Variants in PKNOX2 observed in about 807,000 individuals in gnomAD.
PKNOX2 encodes homeobox protein PKNOX2.
In PKNOX2, 14 loss-of-function variants were observed where a neutral mutation model predicts 53.1. The observed-to-expected ratio is 0.26, with a 90% CI of 0.17 to 0.41. The LOEUF (loss-of-function observed/expected upper bound fraction) is 0.41, where lower values mean the gene tolerates loss of function less well. Ranked by LOEUF, PKNOX2 falls within the 10% of genes least tolerant of loss-of-function variation. The pLI is 1.00. For missense variants in PKNOX2, 496 were observed against 602.8 expected (o/e 0.82, Z 1.85); for synonymous variants, 257 against 242.8 (o/e 1.06, Z -0.54).
intron 4 of PKNOX2, among the ~76,000 whole-genome samples, chr11:125,354,232 C>T (rs1285336423): frequency 7.9e-5 from 12 of 152,172 alleles, no homozygotes; most frequent in Admixed American, 7.9e-4. Context: ...ACCAGCCGCT[C>T]TCTGAGACTC....
intron 3 of PKNOX2, among the ~76,000 whole-genome samples, chr11:125,348,625 T>A (rs2008463): frequency 0.19 from 29,241 of 152,116 alleles, 2,878 homozygotes; most frequent in South Asian, 0.24. Context: ...ACTCTTAACC[T>A]CCCCTCCTTA....
chr11:125,297,885 C>T (rs1234858613), intron 2 of PKNOX2, among the ~76,000 whole-genome samples: 1 of 152,176 alleles, frequency 6.6e-6, no homozygotes, highest in African/African-American at 2.4e-5. Context: ...CATAGATTAG[C>T]TCATTGTCAC....
intron 3 of PKNOX2, among the ~76,000 whole-genome samples, chr11:125,338,036 A>G (rs1458799048): frequency 6.6e-6 from 1 of 152,182 alleles, no homozygotes; most frequent in African/African-American, 2.4e-5. Flanking sequence ...GAAAAGGCTG[A>G]GGCTGGGTTT....
At chr11:125,276,054 G>A (rs1038782109) in intron 2 of PKNOX2, among the ~76,000 whole-genome samples, 2 of 152,284 alleles carry the variant, frequency 1.3e-5, no homozygotes, top group East Asian at 1.9e-4. Context: ...CCAGAGGAGC[G>A]AAGTATCAGG....
At chr11:125,271,830 A>G (rs1410982391) in intron 2 of PKNOX2, among the ~76,000 whole-genome samples, 1 of 152,130 alleles carries the variant, frequency 6.6e-6, no homozygotes, top group Non-Finnish European at 1.5e-5. Context: ...GTACCCAGAA[A>G]TGATGTGACT....
intron 2 of PKNOX2, among the ~76,000 whole-genome samples, chr11:125,246,653 C>T (rs991276944): frequency 5.3e-5 from 8 of 152,178 alleles, no homozygotes; most frequent in Non-Finnish European, 8.8e-5. Context: ...GTTTCTCCAT[C>T]TATTAAAGAA....
At chr11:125,286,202 G>C (rs1279610841) in intron 2 of PKNOX2, among the ~76,000 whole-genome samples, 10 of 152,192 alleles carry the variant, frequency 6.6e-5, no homozygotes, top group Non-Finnish European at 1.5e-4. Flanking sequence ...TGTGGGGCCA[G>C]GGCATGGAGG....
chr11:125,380,121 T>TCCGCGCTCCTGGGGAAGGCGC (rs1953121909), intron 5 of PKNOX2, among the ~76,000 whole-genome samples: 1 of 152,190 alleles, frequency 6.6e-6, no homozygotes, highest in South Asian at 2.1e-4. Context: ...CCTGCCTGTG[T>TCCGCGCTCCTGGGGAAGGCGC]CCGCGCTCCT....
intron 3 of PKNOX2, among the ~76,000 whole-genome samples, chr11:125,342,165 CT>C (rs140732508): frequency 0.022 from 3,208 of 144,214 alleles, 56 homozygotes; most frequent in African/African-American, 0.047. Context: ...TGACTCTTGA[CT>C]TTTTTTTTTT....
intron 1 of PKNOX2, among the ~76,000 whole-genome samples, chr11:125,188,906 G>A (rs904787828): frequency 2.6e-5 from 4 of 151,558 alleles, no homozygotes; most frequent in Admixed American, 6.6e-5. Context: ...CATAGTCCCC[G>A]TGAAAGGACG....
intron 1 of PKNOX2, among the ~76,000 whole-genome samples, chr11:125,195,328 G>A (rs147667295): frequency 4.1e-4 from 63 of 152,244 alleles, no homozygotes; most frequent in Non-Finnish European, 8.1e-4. Flanking sequence ...TTCAAGACAC[G>A]TGCTTTTCCT....
intron 2 of PKNOX2, among the ~76,000 whole-genome samples, chr11:125,268,673 A>G (rs1281728263): frequency 2.6e-5 from 4 of 152,148 alleles, no homozygotes; most frequent in East Asian, 1.9e-4. Flanking sequence ...AAAGCTTCTG[A>G]AGGGCAGGGG....
At chr11:125,359,122 G>T (rs1480818819) in intron 4 of PKNOX2, among the ~76,000 whole-genome samples, 1 of 151,868 alleles carries the variant, frequency 6.6e-6, no homozygotes, top group Non-Finnish European at 1.5e-5. Flanking sequence ...CAGGAAGGTG[G>T]ACACCATCGG....
At chr11:125,431,117 C>T in intron 12 of PKNOX2, 49 bp from the exon 13 acceptor site, 2 of 1,587,084 alleles carry the variant, frequency 1.3e-6, no homozygotes, top group Middle Eastern at 1.7e-4. Context: ...GAGGTGCTGG[C>T]CCTGACCAGC....
At chr11:125,424,912 G>A (rs1012105267) in intron 10 of PKNOX2, among the ~76,000 whole-genome samples, 6 of 152,318 alleles carry the variant, frequency 3.9e-5, no homozygotes, top group Middle Eastern at 6.8e-3. Flanking sequence ...GGAGAGTTGC[G>A]TTATGGGGCT....
chr11:125,178,613 A>AAGGAAGGAAGGAAGGAAG (rs781609687), intron 1 of PKNOX2, among the ~76,000 whole-genome samples: 1 of 43,820 alleles, frequency 2.3e-5, no homozygotes, highest in African/African-American at 1.6e-4. Context: ...AAGGAAGGAA[A>AAGGAAGGAAGGAAGGAAG]GAAAGAAAGA....
At chr11:125,286,539 TG>T (rs1368851880) in intron 2 of PKNOX2, among the ~76,000 whole-genome samples, 1 of 152,212 alleles carries the variant, frequency 6.6e-6, no homozygotes, top group African/African-American at 2.4e-5. Flanking sequence ...TCCACCCCCT[TG>T]GCCCTATGCC....
rs1197952291 is a variant in PKNOX2 at position 125,431,544 on chromosome 11, A to T, written c.*152A>T. The T allele has an allele frequency of 2.3e-5, 20 of 881,406 alleles. No homozygotes were observed. Among genetic ancestry groups the T allele is most frequent in the Non-Finnish European group, 2.9e-5 (17 of 593,268 alleles). 54.6% of individuals were successfully genotyped at this position (881,406 alleles called of 1,614,324 possible). A position where few individuals can be genotyped will look rare whatever the true frequency, so the allele number is the denominator to read the frequency against. On this transcript the variant is annotated 3_prime_UTR_variant, in exon 13 of 13. Transcript: ENST00000298282. ...AGTAGCTTGAAGAAAGGCAAAGGAGACACCTGTTCCTTCCCAACCACCGAG... is the reference window on the plus strand; with the variant it reads ...AGTAGCTTGAAGAAAGGCAAAGGAGTCACCTGTTCCTTCCCAACCACCGAG...
intron 2 of PKNOX2, among the ~76,000 whole-genome samples, chr11:125,259,304 C>T (rs2135721271): frequency 6.6e-6 from 1 of 152,316 alleles, no homozygotes; most frequent in South Asian, 2.1e-4. Context: ...GCATGTTAGA[C>T]ACCCACTATG....
Sources: allele counts gnomAD v4.1 joint callset (sites outside exome capture counted in the v4.1 genomes callset), GRCh38; gene constraint gnomAD v4.1.1; transcripts MANE v1.5; gene names NCBI Gene and HGNC (gene_info 2026-07-23, HGNC 2026-07-21).